The following ST3GAL3 variants were observed in gnomAD, a reference collection of about 807,000 sequenced individuals.
ST3GAL3 encodes ST3 beta-galactoside alpha-2,3-sialyltransferase 3.
A neutral mutation model predicts 50.1 loss-of-function variants in ST3GAL3; 21 were observed. The ratio of observed to expected loss-of-function variants is 0.42; its 90% confidence interval spans 0.30 to 0.60. ST3GAL3 has a LOEUF of 0.60. ST3GAL3 is among the 20% of genes least tolerant of loss of function. The pLI, the probability that ST3GAL3 is intolerant of heterozygous loss-of-function variation, is 0.19. For missense variants in ST3GAL3, 353 were observed against 489.4 expected (o/e 0.72, Z 2.63); for synonymous variants, 183 against 190.0 (o/e 0.96, Z 0.30).
chr1:43,918,117 C>T (rs868777279), intron 9 of ST3GAL3, among the ~76,000 whole-genome samples: 5 of 30,666 alleles, frequency 1.6e-4, no homozygotes, highest in African/African-American at 3.0e-4. Context: ...TTTTTTCTTT[C>T]TCTTTTTTTT....
chr1:43,815,673 C>T (rs966287127), intron 4 of ST3GAL3, among the ~76,000 whole-genome samples: 1 of 152,070 alleles, frequency 6.6e-6, no homozygotes, highest in Admixed American at 6.5e-5. Flanking sequence ...CCACTCTGAG[C>T]CTCAGTTTCA....
intron 5 of ST3GAL3, among the ~76,000 whole-genome samples, chr1:43,873,266 G>A (rs545392477): frequency 1.3e-5 from 2 of 152,322 alleles, no homozygotes; most frequent in East Asian, 3.9e-4. Flanking sequence ...TATTCTGAAG[G>A]GAGAGCTAAC....
At chr1:43,871,447 G>T (rs1558661474) in intron 5 of ST3GAL3, among the ~76,000 whole-genome samples, 1 of 150,746 alleles carries the variant, frequency 6.6e-6, no homozygotes, top group Non-Finnish European at 1.5e-5. Flanking sequence ...GGAGAAGATG[G>T]CATGTGAAGA....
Position 43,898,260 on chromosome 1 carries a change from A to G in ST3GAL3, c.423A>G (p.Ser141=), listed in dbSNP as rs1360939767. 1 of 1,613,954 alleles carries G rather than the reference A, an allele frequency of 6.2e-7. No homozygotes were observed. Among genetic ancestry groups the G allele is most frequent in the African/African-American group, 1.3e-5 (1 of 75,056 alleles). ...GQDNLIKAIL[S]VTKEYRLTPA... ...ACAATCTGATCAAAGCCATCTTGTC[A>G]GTCACCAAAGAGTACCGCCTGACCC... Residue 141 remains serine, a synonymous_variant, in exon 7 of 12, where the codon TCA becomes TCG. Transcript: ENST00000347631.
At chr1:43,734,525 G>T (rs1253307490) in intron 1 of ST3GAL3, among the ~76,000 whole-genome samples, 1 of 151,926 alleles carries the variant, frequency 6.6e-6, no homozygotes, top group African/African-American at 2.4e-5. Context: ...GCCTAGGCTG[G>T]CCTCAAACTC....
At chr1:43,820,595 AT>A (rs1024563618) in intron 4 of ST3GAL3, among the ~76,000 whole-genome samples, 1 of 152,012 alleles carries the variant, frequency 6.6e-6, no homozygotes, top group African/African-American at 2.4e-5. Flanking sequence ...GACATTTTAG[AT>A]TTTTTTTCTT....
Position 43,871,530 on chromosome 1 carries a change from AGGGAGAGGATGG to A in ST3GAL3, c.303-22850_303-22839del, listed in dbSNP as rs1558662206. On this transcript the variant is annotated intron_variant, in intron 5 of 11. Transcript: ENST00000347631. ...GGTGTGAGGGAGAGGATGGGGTGTG[AGGGAGAGGATGG>A]GGTGTGTGGGAGAGGCTGGGGTATG... is the stretch of plus-strand genomic sequence containing the variant. Among the ~76,000 whole-genome samples the A allele has an allele frequency of 2.6e-4, 6 of 22,846 alleles. No homozygotes were observed. The East Asian group carries it at 7.4e-3, about 28-fold the overall frequency. 15.0% of individuals were successfully genotyped at this position (22,846 alleles called of 152,430 possible).
At chr1:43,828,042 G>A (rs949233346) in intron 4 of ST3GAL3, among the ~76,000 whole-genome samples, 1 of 152,078 alleles carries the variant, frequency 6.6e-6, no homozygotes, top group African/African-American at 2.4e-5. Context: ...GCGTAGTATT[G>A]GCAAAAGAAT....
chr1:43,846,022 T>C (rs2066198230), intron 5 of ST3GAL3, among the ~76,000 whole-genome samples: 1 of 152,196 alleles, frequency 6.6e-6, no homozygotes, highest in African/African-American at 2.4e-5. Context: ...TTTAATACTT[T>C]TAAATTAATT....
At chr1:43,718,455 C>T (rs937209201) in intron 1 of ST3GAL3, among the ~76,000 whole-genome samples, 159 of 151,542 alleles carry the variant, frequency 1.0e-3, no homozygotes, top group African/African-American at 3.6e-3. Context: ...TCTCAAAGTG[C>T]TGGGATTACA....
At chr1:43,836,349 A>T (rs1184863286) in intron 4 of ST3GAL3, among the ~76,000 whole-genome samples, 1 of 152,208 alleles carries the variant, frequency 6.6e-6, no homozygotes, top group East Asian at 1.9e-4. Context: ...TCAGATTTGC[A>T]TTTCAGGCTT....
In ST3GAL3 at chr1:43,930,456, C is replaced by A. The variant is rs2084873846; in HGVS notation, c.*235C>A. On this transcript the variant is annotated 3_prime_UTR_variant, in exon 12 of 12. Transcript: ENST00000347631. The stretch of plus-strand genomic sequence containing the variant: ...GAGGGCCAGCAGGCTCCTGGCTGTG[C>A]CCAGCAGGCCCAGCATGCAGGTGGT... 1 of 589,950 alleles carries A rather than the reference C, an allele frequency of 1.7e-6. No individual in the cohort carries two copies. Among genetic ancestry groups the A allele is most frequent in the East Asian group, 2.9e-5 (1 of 34,892 alleles). 36.5% of individuals were successfully genotyped at this position (589,950 alleles called of 1,614,324 possible).
intron 5 of ST3GAL3, among the ~76,000 whole-genome samples, chr1:43,847,073 A>G (rs1302414897): frequency 6.6e-6 from 1 of 152,218 alleles, no homozygotes. Context: ...CACTAGGGAA[A>G]TGCAAGTCAA....
rs879718770 is a variant in ST3GAL3, at chr1:43,817,325, T to TC, written c.209+2393dup. 2.0e-5 allele frequency among the ~76,000 whole-genome samples: 3 copies of TC among 152,024 alleles called. No homozygotes were observed. In the East Asian group the frequency reaches 5.8e-4, roughly 29 times the overall value. On this transcript the variant is annotated intron_variant, in intron 4 of 11. Transcript: ENST00000347631. ...GGGATTCATTTAGCTTGCTGCTTCT[T>TC]CTTCTTCCTTCTTCCTTCTTCCTTC...
intron 3 of ST3GAL3, among the ~76,000 whole-genome samples, chr1:43,809,175 A>G (rs953130060): frequency 3.3e-5 from 5 of 152,200 alleles, no homozygotes; most frequent in African/African-American, 1.2e-4. Flanking sequence ...AGGCTTAGAG[A>G]TGACACAAAT....
Position 43,899,179 on chromosome 1 carries a change from G to A in ST3GAL3, c.473G>A (p.Arg158His), listed in dbSNP as rs775719562. 1.7e-5 allele frequency: 27 copies of A among 1,614,056 alleles called. No individual in the cohort carries two copies. The highest frequency in any genetic ancestry group is 2.0e-5 in the Non-Finnish European group (24 of 1,180,040). Residue 158 changes from arginine to histidine, a missense_variant, in exon 8 of 12, where the codon CGC (arginine) becomes CAC (histidine). By Grantham distance (29) the Arg-to-His change is conservative. Coordinates refer to ENST00000347631, the MANE Select transcript of ST3GAL3 (RefSeq NM_006279.5). This position sits in a 1 kb window ranked among gnomAD's most constrained non-coding sequence, Gnocchi z 5.4. ...CTCTCTCCCCTCAGCCTCCGCTGCC[G>A]CCGCTGCATCATCGTGGGCAATGGA... ...LTPALDSLRCRRCIIVGNGGV... is the reference protein window; with the variant it reads ...LTPALDSLRCHRCIIVGNGGV...
intron 9 of ST3GAL3, among the ~76,000 whole-genome samples, chr1:43,917,223 TA>T (rs1428667026): frequency 6.6e-6 from 1 of 151,498 alleles, no homozygotes; most frequent in African/African-American, 2.4e-5. Flanking sequence ...ACACAGATTT[TA>T]ATGGTTAAAA....
intron 2 of ST3GAL3, among the ~76,000 whole-genome samples, chr1:43,780,106 T>C (rs7549701): frequency 0.41 from 62,122 of 151,984 alleles, 12,868 homozygotes; most frequent in East Asian, 0.53. Flanking sequence ...TGTACTGATT[T>C]CCTGAGAAAG....
At chr1:43,792,294 T>A in intron 3 of ST3GAL3, 145 bp downstream of exon 3, 3 of 1,078,446 alleles carry the variant, frequency 2.8e-6, no homozygotes, top group South Asian at 1.3e-5. Context: ...TTCTAGAGAC[T>A]TTATGGTCAG....
Sources: allele counts gnomAD v4.1 joint callset (sites outside exome capture counted in the v4.1 genomes callset), GRCh38; gene constraint gnomAD v4.1.1; non-coding constraint Gnocchi (gnomAD v3.1); transcripts MANE v1.5; gene names NCBI Gene and HGNC (gene_info 2026-07-23, HGNC 2026-07-21).